The following SIPA1L3 variants were observed in gnomAD, a reference collection of about 807,000 sequenced individuals.
SIPA1L3 encodes signal induced proliferation associated 1 like 3.
SIPA1L3 carries 59 observed loss-of-function variants against 150.1 expected under a neutral mutation model. The ratio of observed to expected loss-of-function variants is 0.39; its 90% CI spans 0.32 to 0.49. The LOEUF is 0.49. Ranked by LOEUF, SIPA1L3 falls within the 20% of genes least tolerant of loss-of-function variation. The pLI is 0.86. For missense variants in SIPA1L3, 2,211 were observed against 2,489.5 expected (o/e 0.89, Z 2.38); for synonymous variants, 1,070 against 1,077.6 (o/e 0.99, Z 0.14).
intron 1 of SIPA1L3, among the ~76,000 whole-genome samples, chr19:37,927,379 T>C (rs1306165255): frequency 1.3e-5 from 2 of 152,168 alleles, no homozygotes; most frequent in South Asian, 2.1e-4. Flanking sequence ...CTTGAACTCC[T>C]GACCTCAGGT....
chr19:38,102,247 A>C (rs531842571), intron 6 of SIPA1L3, among the ~76,000 whole-genome samples: 1 of 148,848 alleles, frequency 6.7e-6, no homozygotes, highest in Non-Finnish European at 1.5e-5. Context: ...GGGATTTACT[A>C]TATTGGCCAG....
At chr19:37,973,095 A>G (rs939613971) in intron 1 of SIPA1L3, among the ~76,000 whole-genome samples, 1 of 151,718 alleles carries the variant, frequency 6.6e-6, no homozygotes, top group Non-Finnish European at 1.5e-5. Context: ...GTATTGGGGG[A>G]CAAGAAGTCA....
intron 7 of SIPA1L3, among the ~76,000 whole-genome samples, chr19:38,107,560 C>T (rs1249496742): frequency 6.6e-6 from 1 of 152,234 alleles, no homozygotes; most frequent in Non-Finnish European, 1.5e-5. Flanking sequence ...AACAGAAGCC[C>T]CAGAGTGCTG....
intron 1 of SIPA1L3, among the ~76,000 whole-genome samples, chr19:37,984,677 T>C (rs1274846957): frequency 6.6e-6 from 1 of 152,204 alleles, no homozygotes; most frequent in Non-Finnish European, 1.5e-5. Context: ...TTTGCATAGG[T>C]CCTGACACAT....
chr19:37,982,111 G>A (rs1222197389), intron 1 of SIPA1L3, among the ~76,000 whole-genome samples: 3 of 152,184 alleles, frequency 2.0e-5, no homozygotes, highest in African/African-American at 7.2e-5. Flanking sequence ...AAGACTGTGA[G>A]GGACACAGTT....
chr19:38,082,653 C>T lies in SIPA1L3; in HGVS notation c.1088C>T (p.Ser363Leu), dbSNP rs760723947. Reference protein sequence around the residue: ...NEAAANRVSVSQRRNTTTGAS... With the variant: ...NEAAANRVSVLQRRNTTTGAS... Reference sequence around the variant, plus strand: ...GCGGCCGCCAACAGGGTGTCGGTGTCGCAGCGGCGGAACACCACCACGGGT... The same window carrying T: ...GCGGCCGCCAACAGGGTGTCGGTGTTGCAGCGGCGGAACACCACCACGGGT... Residue 363 changes from serine (S) to leucine (L), a missense_variant, in exon 3 of 22, where the codon TCG (serine) becomes TTG (leucine). Physicochemically the swap from Ser to Leu is moderately radical, Grantham distance 145 (BLOSUM62 -2). Around this residue, in one of 5 missense-constraint regions of SIPA1L3, gnomAD observed 587 missense variants for 534.5 expected, o/e 1.10. Transcript: ENST00000222345. 2.5e-6 allele frequency: 4 copies of T among 1,607,032 alleles called. No homozygotes were observed. The highest frequency in any genetic ancestry group is 2.7e-5 in the African/African-American group (2 of 74,918).
In SIPA1L3 at chr19:38,070,489, A is replaced by G. The variant is rs1483813405; in HGVS notation, c.-310-10767A>G. Among the ~76,000 whole-genome samples, 4 of 152,108 alleles carry G rather than the reference A, an allele frequency of 2.6e-5. No homozygotes were observed. The East Asian group carries it at 7.7e-4, about 29-fold the overall frequency. Reference sequence around the variant, plus strand: ...GGGGCACAGTCTGTCCTGCTCAGAGATTTTCTTTAGCACCCACAGCAGTGG... The same window carrying G: ...GGGGCACAGTCTGTCCTGCTCAGAGGTTTTCTTTAGCACCCACAGCAGTGG... On this transcript the variant is annotated intron_variant, in intron 2 of 21. Transcript: ENST00000222345.
At chr19:37,996,652 T>G (rs1190514907) in intron 1 of SIPA1L3, among the ~76,000 whole-genome samples, 1 of 152,164 alleles carries the variant, frequency 6.6e-6, no homozygotes, top group Non-Finnish European at 1.5e-5. Context: ...TTGTGTCCTT[T>G]GACCAACATC....
At position 38,119,649 on chromosome 19, in the gene SIPA1L3, G is replaced by A; in HGVS notation, c.2635G>A (p.Asp879Asn). ...CATCGCCTGGAGGGTGGTGGCCCAG[G>A]ACTACGCCCAGGGGGTGGAAATCGA... ...GAIAWRVVAQDYAQGVEIDCI... is the reference protein window; with the variant it reads ...GAIAWRVVAQNYAQGVEIDCI... Residue 879 changes from aspartate (D) to asparagine (N), a missense_variant, in exon 9 of 22, where the codon GAC (aspartate) becomes AAC (asparagine). Around this residue, in one of 5 missense-constraint regions of SIPA1L3, gnomAD observed 625 missense variants for 804.2 expected, o/e 0.78. Coordinates refer to ENST00000222345, the MANE Select transcript of SIPA1L3 (RefSeq NM_015073.3). The A allele has an allele frequency of 6.2e-7, 1 of 1,614,254 alleles. No individual in the cohort carries two copies. Among genetic ancestry groups the A allele is most frequent in the East Asian group, 2.2e-5 (1 of 44,886 alleles).
chr19:38,069,933 C>T (rs855602), intron 2 of SIPA1L3, among the ~76,000 whole-genome samples: 23,495 of 151,440 alleles, frequency 0.16, 1,929 homozygotes, highest in African/African-American at 0.2. Context: ...GCCTTGGCCT[C>T]CCAAAGTGCT....
In SIPA1L3 at chr19:37,950,677, G is replaced by A. The variant is rs576655320; in HGVS notation, c.-379+43319G>A. ...AGGCTGCGCGGGGCCCTTCTGTGCC[G>A]AGACTGGCGCTTGCTCCCCACAAGC... On this transcript the variant is annotated intron_variant, in intron 1 of 21. Coordinates refer to ENST00000222345, the MANE Select transcript of SIPA1L3 (RefSeq NM_015073.3). Among the ~76,000 whole-genome samples, 109 of 139,810 alleles carry A rather than the reference G, an allele frequency of 7.8e-4. 1 individual carries two copies. The highest frequency in any genetic ancestry group is 2.5e-3 in the African/African-American group (103 of 40,622). The allele number at this position is 139,810 out of a possible 152,430, so 91.7% of individuals were successfully genotyped here.
chr19:37,981,918 A>T (rs1244705037), intron 1 of SIPA1L3, among the ~76,000 whole-genome samples: 2 of 152,158 alleles, frequency 1.3e-5, no homozygotes, highest in Non-Finnish European at 2.9e-5. Context: ...CGCCTCCCAC[A>T]CAGAATATAA....
chr19:38,193,829 G>A (rs1395308183), intron 18 of SIPA1L3, 49 bp downstream of exon 18: 1 of 1,489,076 alleles, frequency 6.7e-7, no homozygotes, highest in Non-Finnish European at 8.8e-7. Context: ...CCAAGGTTGG[G>A]AGGTGGGGAT....
chr19:38,161,625 C>G (rs1227834842), intron 13 of SIPA1L3, among the ~76,000 whole-genome samples: 1 of 151,984 alleles, frequency 6.6e-6, no homozygotes, highest in African/African-American at 2.4e-5. Flanking sequence ...GCTTGAGAGG[C>G]TGAGACAGGA....
At chr19:37,968,494 T>A (rs1176997757) in intron 1 of SIPA1L3, among the ~76,000 whole-genome samples, 3 of 152,172 alleles carry the variant, frequency 2.0e-5, no homozygotes, top group Non-Finnish European at 2.9e-5. Flanking sequence ...ATATACCCCA[T>A]GTATAAAGCC....
rs143240550 is a variant in SIPA1L3 at position 37,979,917 on chromosome 19, ACACT to A, written c.-378-49166_-378-49163del. 2.0e-4 allele frequency among the ~76,000 whole-genome samples: 31 copies of A among 152,338 alleles called. No homozygotes were observed. In the East Asian group the frequency reaches 5.4e-3, roughly 27 times the overall value. ...TGGGTCTGTTGGTGCCTCCGCGTGC[ACACT>A]CACTCTGAGCATTTCTTGGGCCCTG... On this transcript the variant is annotated intron_variant, in intron 1 of 21. Transcript: ENST00000222345.
At chr19:38,175,992 G>A (rs925069401) in intron 15 of SIPA1L3, among the ~76,000 whole-genome samples, 18 of 152,108 alleles carry the variant, frequency 1.2e-4, no homozygotes, top group Non-Finnish European at 7.4e-5. Flanking sequence ...CGGATCATGA[G>A]GTCAGAAGTT....
rs902254285 is a variant in SIPA1L3 at position 37,951,101 on chromosome 19, C to A, written c.-379+43743C>A. 3.3e-5 allele frequency among the ~76,000 whole-genome samples: 5 copies of A among 152,342 alleles called. No individual in the cohort carries two copies. The East Asian group carries it at 7.7e-4, about 24-fold the overall frequency. On this transcript the variant is annotated intron_variant, in intron 1 of 21. Coordinates refer to ENST00000222345, the MANE Select transcript of SIPA1L3 (RefSeq NM_015073.3). Reference sequence around the variant, plus strand: ...CCGCTGTGTGCAATTTATTATTTACCCCAGGCACTGGGGATATGGCAGGGA... The same window carrying A: ...CCGCTGTGTGCAATTTATTATTTACACCAGGCACTGGGGATATGGCAGGGA...
chr19:38,109,104 G>A (rs1970685195), intron 7 of SIPA1L3, among the ~76,000 whole-genome samples: 1 of 152,156 alleles, frequency 6.6e-6, no homozygotes, highest in South Asian at 2.1e-4. Context: ...CTGACCAGCA[G>A]GGGAGAGGTG....
Sources: gnomAD v4.1 joint callset for allele counts (sites outside exome capture counted in the v4.1 genomes callset) on GRCh38, gnomAD v4.1.1 for gene constraint, gnomAD v4.1.1 regional missense constraint, MANE v1.5 for transcripts, NCBI Gene and HGNC (gene_info 2026-07-23, HGNC 2026-07-21) for gene names.